Variants in PIERCE2 observed in about 807,000 individuals in gnomAD.
PIERCE2 encodes the protein piercer of microtubule wall 2 protein.
chr15:55,408,809 A>T, the PIERCE2 span: 1 of 1,500,414 alleles, frequency 6.7e-7, no homozygotes, highest in Non-Finnish European at 8.9e-7. Context: ...AGAGGGCTAG[A>T]TGTTTGGGAA....
At chr15:55,415,312 A>G in the PIERCE2 span, among the ~76,000 whole-genome samples, 1 of 152,038 alleles carries the variant, frequency 6.6e-6, no homozygotes, top group Non-Finnish European at 1.5e-5. Flanking sequence ...CACTAAAAAT[A>G]CAAAAATTAG....
chr15:55,412,093 CAAAAAAAAAAA>C, the PIERCE2 span, among the ~76,000 whole-genome samples: 1 of 82,066 alleles, frequency 1.2e-5, no homozygotes, highest in African/African-American at 4.8e-5. Flanking sequence ...TTTGTCTCCA[CAAAAAAAAAAA>C]AAAAAAAAAA....
At chr15:55,414,175 G>A in the PIERCE2 span, among the ~76,000 whole-genome samples, 1 of 150,696 alleles carries the variant, frequency 6.6e-6, no homozygotes, top group Non-Finnish European at 1.5e-5. Flanking sequence ...GGGATTACAA[G>A]CGTGAGCCAC....
At chr15:55,414,742 G>A in the PIERCE2 span, among the ~76,000 whole-genome samples, 1 of 151,868 alleles carries the variant, frequency 6.6e-6, no homozygotes, top group Non-Finnish European at 1.5e-5. Context: ...GCTGGGCATG[G>A]TGGCGCACGC....
the PIERCE2 span, chr15:55,408,592 G>C: frequency 4.9e-6 from 2 of 410,522 alleles, no homozygotes; most frequent in Non-Finnish European, 8.6e-6. Context: ...CGGGAAAACA[G>C]CTCCCCGGAT....
At chr15:55,408,901 G>T in the PIERCE2 span, 1 of 662,572 alleles carries the variant, frequency 1.5e-6, no homozygotes, top group Non-Finnish European at 2.6e-6. Flanking sequence ...CACTTTACAA[G>T]GCAACTACTG....
At chr15:55,418,109 C>A in the PIERCE2 span, 1 of 1,585,772 alleles carries the variant, frequency 6.3e-7, no homozygotes, top group South Asian at 1.2e-5. Context: ...GCCTGACATT[C>A]AATGCCCTCA....
At chr15:55,412,593 A>G in the PIERCE2 span, among the ~76,000 whole-genome samples, 2 of 152,174 alleles carry the variant, frequency 1.3e-5, no homozygotes, top group Non-Finnish European at 2.9e-5. Flanking sequence ...TAGGGACACT[A>G]TTCAGGTAGA....
At chr15:55,415,030 G>C in the PIERCE2 span, among the ~76,000 whole-genome samples, 1 of 152,156 alleles carries the variant, frequency 6.6e-6, no homozygotes, top group Non-Finnish European at 1.5e-5. Context: ...AATTATACCA[G>C]GGCTGGGTGA....
chr15:55,413,497 G>A, the PIERCE2 span, among the ~76,000 whole-genome samples: 2 of 151,352 alleles, frequency 1.3e-5, no homozygotes, highest in Non-Finnish European at 3.0e-5. Flanking sequence ...GGTGTCTCAC[G>A]CCTGTAATCC....
At chr15:55,416,947 C>T in the PIERCE2 span, among the ~76,000 whole-genome samples, 1 of 152,038 alleles carries the variant, frequency 6.6e-6, no homozygotes, top group African/African-American at 2.4e-5. Context: ...GATGACAGAG[C>T]GAGACTCTGT....
the PIERCE2 span, among the ~76,000 whole-genome samples, chr15:55,409,247 T>C: frequency 6.6e-6 from 1 of 151,812 alleles, no homozygotes; most frequent in African/African-American, 2.4e-5. Context: ...CTCTACTAAA[T>C]ACAAAAAATT....
chr15:55,414,807 T>C, the PIERCE2 span, among the ~76,000 whole-genome samples: 3 of 151,688 alleles, frequency 2.0e-5, no homozygotes, highest in Admixed American at 2.0e-4. Flanking sequence ...GAACCCAAGA[T>C]GGGGAGGTTG....
the PIERCE2 span, among the ~76,000 whole-genome samples, chr15:55,409,404 T>C: frequency 6.7e-6 from 1 of 149,702 alleles, no homozygotes; most frequent in Admixed American, 6.6e-5. Context: ...AAACTCCGTC[T>C]CAAAAAAAAA....
the PIERCE2 span, among the ~76,000 whole-genome samples, chr15:55,417,299 C>T: frequency 6.6e-6 from 1 of 152,118 alleles, no homozygotes; most frequent in African/African-American, 2.4e-5. Context: ...ACTTTGTCCC[C>T]ACTTCTATCT....
At chr15:55,411,649 C>T in the PIERCE2 span, among the ~76,000 whole-genome samples, 2 of 151,748 alleles carry the variant, frequency 1.3e-5, no homozygotes, top group South Asian at 4.2e-4. Flanking sequence ...AGGCTAGGCA[C>T]GGTGGCTCAC....
chr15:55,415,482 G>A, the PIERCE2 span, among the ~76,000 whole-genome samples: 1 of 151,152 alleles, frequency 6.6e-6, no homozygotes, highest in South Asian at 2.1e-4. Flanking sequence ...AAAGAGGGAA[G>A]GGAAGGAAGG....
the PIERCE2 span, among the ~76,000 whole-genome samples, chr15:55,415,350 G>A: frequency 0.22 from 33,530 of 151,714 alleles, 4,739 homozygotes; most frequent in Non-Finnish European, 0.33. Context: ...CATCTACTCG[G>A]GAGGCTGAGG....
the PIERCE2 span, among the ~76,000 whole-genome samples, chr15:55,416,119 G>T: frequency 6.6e-6 from 1 of 151,008 alleles, no homozygotes; most frequent in Non-Finnish European, 1.5e-5. Flanking sequence ...GAGAGAGAGA[G>T]ATAGAGTCTT....
Sources: allele counts gnomAD v4.1 joint callset (sites outside exome capture counted in the v4.1 genomes callset), GRCh38; gene constraint gnomAD v4.1.1; transcripts MANE v1.5; gene names NCBI Gene and HGNC (gene_info 2026-07-23, HGNC 2026-07-21).